Variants in BTBD9 observed in about 807,000 individuals in gnomAD.
The protein encoded by BTBD9 is BTB/POZ domain-containing protein 9.
Under a neutral mutation model 64.3 loss-of-function variants are expected in BTBD9, and 49 were observed. The ratio of observed to expected loss-of-function variants is 0.76; its 90% CI spans 0.61 to 0.97. The LOEUF (loss-of-function observed/expected upper bound fraction) is 0.97. Ranked by LOEUF, BTBD9 falls within the 50% of genes least tolerant of loss-of-function variation. BTBD9 has a pLI of 0.00. For missense variants in BTBD9, 598 were observed against 762.1 expected (o/e 0.78, Z 2.53); for synonymous variants, 260 against 274.7 (o/e 0.95, Z 0.53).
At chr6:38,522,165 C>T (rs983049279) in intron 6 of BTBD9, among the ~76,000 whole-genome samples, 4 of 152,184 alleles carry the variant, frequency 2.6e-5, no homozygotes, top group African/African-American at 7.2e-5. Context: ...TTCCATCTCC[C>T]TCTCCCTAAT....
chr6:38,386,105 C>A (rs1001204062), intron 6 of BTBD9, among the ~76,000 whole-genome samples: 3 of 152,120 alleles, frequency 2.0e-5, no homozygotes, highest in African/African-American at 4.8e-5. Flanking sequence ...TAATATCCTA[C>A]TTCTAATCTT....
intron 1 of BTBD9, among the ~76,000 whole-genome samples, chr6:38,617,877 G>C (rs9470907): frequency 2.6e-5 from 4 of 152,070 alleles, no homozygotes; most frequent in African/African-American, 9.7e-5. Flanking sequence ...GAATGCATCC[G>C]TAAGGGCTAC....
At position 38,262,884 on chromosome 6, in the gene BTBD9, T is replaced by C. The variant is rs149479409; in HGVS notation, c.1455-6368A>G. 1.8e-4 allele frequency among the ~76,000 whole-genome samples: 28 copies of C among 152,358 alleles called. 1 individual carries two copies. The East Asian group carries it at 2.3e-3, about 13-fold the overall frequency. On this transcript the variant is annotated intron_variant, in intron 8 of 10. Transcript: ENST00000481247. ...GTGAACAATGGCTGAAGTATAACAG[T>C]TGAGGTCAACAGCTTCTCCACTGAA...
chr6:38,181,003 C>T (rs886433526), intron 10 of BTBD9, among the ~76,000 whole-genome samples: 2 of 152,212 alleles, frequency 1.3e-5, no homozygotes, highest in Admixed American at 6.5e-5. Flanking sequence ...CCCCGTGAAT[C>T]CTGGACAGGA....
At chr6:38,336,384 A>C (rs565702284) in intron 7 of BTBD9, among the ~76,000 whole-genome samples, 1 of 152,336 alleles carries the variant, frequency 6.6e-6, no homozygotes, top group African/African-American at 2.4e-5. Context: ...TAATTGACTC[A>C]TAGTTCTGCA....
chr6:38,242,703 G>A (rs1187566852), intron 9 of BTBD9, among the ~76,000 whole-genome samples: 1 of 152,172 alleles, frequency 6.6e-6, no homozygotes, highest in African/African-American at 2.4e-5. Flanking sequence ...TTAATAGTAT[G>A]AGCCTCTACC....
chr6:38,428,644 C>A (rs1168670417), intron 6 of BTBD9, among the ~76,000 whole-genome samples: 2 of 151,528 alleles, frequency 1.3e-5, no homozygotes, highest in East Asian at 1.9e-4. Context: ...ATGAATGAAC[C>A]AATGAATGGT....
intron 6 of BTBD9, among the ~76,000 whole-genome samples, chr6:38,566,251 T>C (rs1194279483): frequency 1.3e-5 from 2 of 152,226 alleles, no homozygotes; most frequent in Non-Finnish European, 2.9e-5. Flanking sequence ...ACAAAATTTC[T>C]GTAGTCAAAT....
rs114053508 is a variant in BTBD9, at chr6:38,252,505, G to C, written c.1562+3904C>G. ...CCTCTGGTTCCATTGATTCTTACAA[G>C]GTTAACAGGCATATTTGCCTTCTTA... On this transcript the variant is annotated intron_variant, in intron 9 of 10. Coordinates refer to ENST00000481247, the MANE Select transcript of BTBD9 (RefSeq NM_001099272.2). Among the ~76,000 whole-genome samples, 1,179 of 152,126 alleles carry C rather than the reference G, an allele frequency of 7.8e-3. 16 individuals carry two copies. The highest frequency in any genetic ancestry group is 0.026 in the African/African-American group (1,068 of 41,492).
At position 38,597,975 on chromosome 6, in the gene BTBD9, G is replaced by A. The variant is rs377149498; in HGVS notation, c.120C>T (p.Phe40=). 1.4e-5 allele frequency: 22 copies of A among 1,613,846 alleles called. No homozygotes were observed. The highest frequency in any genetic ancestry group is 2.7e-5 in the African/African-American group (2 of 74,908). Reference sequence around the variant, plus strand: ...CAGGAAAACGTTTCTTTTCCACCACGAATGTGACGTCGCCATATTCTTCCC... The same window carrying A: ...CAGGAAAACGTTTCTTTTCCACCACAAATGTGACGTCGCCATATTCTTCCC... ...LIGEEYGDVT[F]VVEKKRFPAH... is the part of the protein sequence containing the mutation. Residue 40 remains phenylalanine (F), a synonymous_variant, in exon 2 of 11, where the codon TTC becomes TTT. Transcript: ENST00000481247.
chr6:38,369,746 C>T (rs1215934790), intron 6 of BTBD9, among the ~76,000 whole-genome samples: 1 of 152,236 alleles, frequency 6.6e-6, no homozygotes, highest in Non-Finnish European at 1.5e-5. Flanking sequence ...TACCTGTTCT[C>T]TTGGCCAGGG....
intron 6 of BTBD9, among the ~76,000 whole-genome samples, chr6:38,369,026 T>C (rs149318382): frequency 0.011 from 1,746 of 152,354 alleles, 16 homozygotes; most frequent in Middle Eastern, 0.027. Flanking sequence ...CATGCCGCCA[T>C]ACCTTCCTAG....
At chr6:38,371,361 A>C (rs1370924721) in intron 6 of BTBD9, among the ~76,000 whole-genome samples, 2 of 152,218 alleles carry the variant, frequency 1.3e-5, no homozygotes, top group African/African-American at 4.8e-5. Context: ...GCAATAAATA[A>C]AATCAGCCCC....
intron 6 of BTBD9, among the ~76,000 whole-genome samples, chr6:38,526,486 G>C (rs1687382381): frequency 6.6e-6 from 1 of 152,210 alleles, no homozygotes; most frequent in Non-Finnish European, 1.5e-5. Flanking sequence ...CCCCACTGGG[G>C]CACTACCTAG....
chr6:38,395,706 GTT>G (rs112512335), intron 6 of BTBD9, among the ~76,000 whole-genome samples: 101 of 144,920 alleles, frequency 7.0e-4, no homozygotes, highest in African/African-American at 2.4e-3. Context: ...AATGTTTACT[GTT>G]TTTTTTTTTT....
intron 6 of BTBD9, among the ~76,000 whole-genome samples, chr6:38,435,543 TCA>T (rs1768675443): frequency 6.6e-6 from 1 of 151,216 alleles, no homozygotes; most frequent in Non-Finnish European, 1.5e-5. Flanking sequence ...CCAAAAAAAC[TCA>T]CAGACCTACT....
intron 7 of BTBD9, among the ~76,000 whole-genome samples, chr6:38,301,438 C>T (rs904861941): frequency 7.2e-5 from 11 of 152,126 alleles, no homozygotes; most frequent in African/African-American, 2.4e-4. Context: ...AGGAATGGTA[C>T]CAGCTCCTCC....
At chr6:38,458,704 A>C (rs1032698451) in intron 6 of BTBD9, among the ~76,000 whole-genome samples, 1 of 152,234 alleles carries the variant, frequency 6.6e-6, no homozygotes, top group Non-Finnish European at 1.5e-5. Flanking sequence ...TACACAAACA[A>C]CACACACAAA....
At chr6:38,573,258 C>T (rs1775859220) in intron 6 of BTBD9, among the ~76,000 whole-genome samples, 1 of 152,124 alleles carries the variant, frequency 6.6e-6, no homozygotes, top group African/African-American at 2.4e-5. Context: ...GGCATTTTTA[C>T]ATGCAATTGG....
Sources: gnomAD v4.1 joint callset for allele counts (sites outside exome capture counted in the v4.1 genomes callset) on GRCh38, gnomAD v4.1.1 for gene constraint, MANE v1.5 for transcripts, NCBI Gene and HGNC (gene_info 2026-07-23, HGNC 2026-07-21) for gene names.